Variants in RRP1 observed in about 807,000 individuals in gnomAD.
RRP1 encodes ribosomal RNA processing 1, also known as ribosomal RNA processing protein 1 homolog A.
A neutral mutation model predicts 54.6 loss-of-function variants in RRP1; 37 were observed. That is an observed-to-expected ratio of 0.68 (90% CI 0.52 to 0.89). RRP1 has a LOEUF of 0.89. Among genes scored for constraint, RRP1 ranks in the 40% least tolerant of loss-of-function variants. The probability of loss-of-function intolerance (pLI) is 0.00; values close to 1 mark genes in which losing one functional copy is unlikely to be tolerated. For missense variants in RRP1, 639 were observed against 612.5 expected, an observed-to-expected ratio of 1.04 and a Z score of -0.46; for synonymous variants, 262 against 244.3, an observed-to-expected ratio of 1.07 and a Z score of -0.67.
At chr21:43,792,102 G>T (rs1003723222) in intron 2 of RRP1, among the ~76,000 whole-genome samples, 1 of 152,178 alleles carries the variant, frequency 6.6e-6, no homozygotes, top group Admixed American at 6.5e-5. Context: ...TTCTCAAATT[G>T]TGAATTTTGT....
Position 43,792,696 on chromosome 21 carries a change from C to T in RRP1, c.241C>T (p.Gln81Ter). 1.2e-6 allele frequency: 2 copies of T among 1,614,006 alleles called. No homozygotes were observed. Among genetic ancestry groups the T allele is most frequent in the Non-Finnish European group, 8.5e-7 (1 of 1,179,932 alleles). Reference sequence around the variant, plus strand: ...GGAAGAATTAGGAAGGACTATTTCCCAGCTCGTTCATGCTTTTCAGACCAC... The same window carrying T: ...GGAAGAATTAGGAAGGACTATTTCCTAGCTCGTTCATGCTTTTCAGACCAC... Reference protein sequence around the residue: ...LQEELGRTISQLVHAFQTTEA... With the variant: ...LQEELGRTIS The change falls in exon 3 of 13, where the codon CAG (glutamine) becomes TAG (stop). Residue 81 changes from glutamine to a stop codon, truncating the protein, a stop_gained. Transcript: ENST00000497547. LOFTEE classifies it high-confidence loss of function.
At position 43,789,737 on chromosome 21, in the gene RRP1, C is replaced by T. The variant is rs1228605660; in HGVS notation, c.108C>T (p.Ile36=). Reference sequence around the variant, plus strand: ...CGGTGAGGAAGCTCCGGAAATACATCGTCGCCAGGACTCAGCGGGCCGCAG... The same window carrying T: ...CGGTGAGGAAGCTCCGGAAATACATTGTCGCCAGGACTCAGCGGGCCGCAG... ...DRAVRKLRKY[I]VARTQRAAGG... is the part of the protein sequence containing the mutation. The change falls in exon 1 of 13, where the codon ATC becomes ATT. Residue 36 remains isoleucine (I), a synonymous_variant. Coordinates refer to ENST00000497547, the MANE Select transcript of RRP1 (RefSeq NM_003683.6). The T allele has an allele frequency of 3.3e-6, 5 of 1,536,478 alleles. No individual in the cohort carries two copies. The highest frequency in any genetic ancestry group is 1.7e-4 in the Middle Eastern group (1 of 5,940).
At chr21:43,795,115 T>C in intron 4 of RRP1, 74 bp from the exon 5 acceptor site, 1 of 1,355,722 alleles carries the variant, frequency 7.4e-7, no homozygotes, top group South Asian at 1.2e-5. Context: ...CAGCGGATGG[T>C]GGTACATGGG....
chr21:43,789,788 G>C, intron 1 of RRP1, 26 bp downstream of exon 1: 1 of 1,493,342 alleles, frequency 6.7e-7, no homozygotes, highest in South Asian at 1.3e-5. Flanking sequence ...GGCGGCTGGC[G>C]TCTCGGGGGC....
At position 43,793,894 on chromosome 21, in the gene RRP1, CTG is replaced by C. The variant is rs142050304; in HGVS notation, c.360+491_360+492del. Among the ~76,000 whole-genome samples, 533 of 152,304 alleles carry C rather than the reference CTG, an allele frequency of 3.5e-3. 3 individuals are homozygous for C. The highest frequency in any genetic ancestry group is 0.012 in the African/African-American group (512 of 41,564). On this transcript the variant is annotated intron_variant, in intron 4 of 12. Coordinates refer to ENST00000497547, the MANE Select transcript of RRP1 (RefSeq NM_003683.6). ...TTTGCCCTGAGAATACAGGGGAACA[CTG>C]GGGTTTAGAGGTGCAGCGTGTTGCT...
Position 43,797,930 on chromosome 21 carries a change from C to G in RRP1, c.641C>G (p.Thr214Ser). The change falls in exon 8 of 13, where the codon ACT (threonine) becomes AGT (serine). Residue 214 changes from threonine (T) to serine (S), a missense_variant. Coordinates refer to ENST00000497547, the MANE Select transcript of RRP1 (RefSeq NM_003683.6). ...AGTTCCTTGGTTTTGAACAACATCA[C>G]TCGAGGCATCTTTGAGACGATTGTG... ...TKDSLVLNNI[T>S]RGIFETIVEQ... is the part of the protein sequence containing the mutation. The G allele has an allele frequency of 1.2e-6, 2 of 1,614,100 alleles. No homozygotes were observed. Among genetic ancestry groups the G allele is most frequent in the Non-Finnish European group, 1.7e-6 (2 of 1,179,956 alleles).
intron 1 of RRP1, chr21:43,790,891 T>C: frequency 2.3e-6 from 1 of 433,280 alleles, no homozygotes; most frequent in South Asian, 1.6e-5. Flanking sequence ...GCACCTGGCC[T>C]CAGTAATTTC....
chr21:43,802,151 CAG>C (rs1176192686), intron 11 of RRP1, 121 bp from the exon 12 acceptor site: 6 of 672,174 alleles, frequency 8.9e-6, no homozygotes, highest in African/African-American at 7.1e-5. Context: ...GGCATTAGAA[CAG>C]GGCGCTTTCT....
chr21:43,803,976 C>G lies in RRP1; in HGVS notation c.*202C>G, dbSNP rs910808203. On this transcript the variant is annotated 3_prime_UTR_variant, in exon 13 of 13. Coordinates refer to ENST00000497547, the MANE Select transcript of RRP1 (RefSeq NM_003683.6). The stretch of plus-strand genomic sequence containing the variant: ...ACTGGACCTTTCCCCAGAGCCTCCG[C>G]CTGTGGCTGTGATGACCTTGGGCCA... 1 of 622,570 alleles carries G rather than the reference C, an allele frequency of 1.6e-6. No homozygotes were observed. Among genetic ancestry groups the G allele is most frequent in the Non-Finnish European group, 2.6e-6 (1 of 384,088 alleles). 38.6% of individuals were successfully genotyped at this position (622,570 alleles called of 1,614,324 possible).
At position 43,797,684 on chromosome 21, in the gene RRP1, C is replaced by T; in HGVS notation, c.606C>T (p.Ala202=). Residue 202 remains alanine, a synonymous_variant, in exon 7 of 13, where the codon GCC becomes GCT. Coordinates refer to ENST00000497547, the MANE Select transcript of RRP1 (RefSeq NM_003683.6). ...TCGACCCCTTCTGCAGAATTGCTGC[C>T]CGGACCAAGGAGTAAGTGGTGGGTG... The part of the protein sequence containing the change: ...KFIDPFCRIA[A]RTKDSLVLNN... 1 of 1,613,856 alleles carries T rather than the reference C, an allele frequency of 6.2e-7. No homozygotes were observed. The highest frequency in any genetic ancestry group is 8.5e-7 in the Non-Finnish European group (1 of 1,180,024).
Position 43,789,600 on chromosome 21 carries a change from C to G in RRP1, c.-30C>G, listed in dbSNP as rs1352339533. On this transcript the variant is annotated 5_prime_UTR_variant, in exon 1 of 13. Coordinates refer to ENST00000497547, the MANE Select transcript of RRP1 (RefSeq NM_003683.6). ...TCAGTGTGCTGGGTACCAGGCGACT[C>G]CGGGACAGGGGGTCTCGGCCGTCGG... The G allele has an allele frequency of 6.3e-7, 1 of 1,579,786 alleles. No homozygotes were observed.
rs771599434 is a variant in RRP1, at chr21:43,798,065, C to T, written c.776C>T (p.Ala259Val). 19 of 1,613,858 alleles carry T rather than the reference C, an allele frequency of 1.2e-5. No individual in the cohort carries two copies. Among genetic ancestry groups the T allele is most frequent in the East Asian group, 2.2e-5 (1 of 44,870 alleles). The change falls in exon 8 of 13, where the codon GCG (alanine) becomes GTG (valine). Residue 259 changes from alanine to valine, a missense_variant. Transcript: ENST00000497547. ...ESSEGGERGD[A>V]LSQKRSEKPP... ...TCTGAGGGTGGTGAGCGTGGAGACGCGCTGTCCCAGAAGAGGTCTGAGAAG... is the reference window on the plus strand; with the variant it reads ...TCTGAGGGTGGTGAGCGTGGAGACGTGCTGTCCCAGAAGAGGTCTGAGAAG...
In RRP1 at chr21:43,803,154, C is replaced by A. The variant is rs573473814; in HGVS notation, c.1124-358C>A. 9.8e-5 allele frequency among the ~76,000 whole-genome samples: 15 copies of A among 152,386 alleles called. No homozygotes were observed. The South Asian group carries it at 2.3e-3, about 23-fold the overall frequency. On this transcript the variant is annotated intron_variant, in intron 12 of 12. Transcript: ENST00000497547. ...GCAGTGGCCTCCTCTTTGTAGCCGG[C>A]CCTTGGCTGTGTGAACCCTGTCGGC...
intron 10 of RRP1, 73 bp from the exon 11 acceptor site, chr21:43,800,789 C>G: frequency 6.3e-7 from 1 of 1,599,214 alleles, no homozygotes. Flanking sequence ...AACCTGCAGC[C>G]GCTCTAGCTG....
At position 43,797,679 on chromosome 21, in the gene RRP1, G is replaced by T. The variant is rs753419754; in HGVS notation, c.601G>T (p.Ala201Ser). The change falls in exon 7 of 13, where the codon GCT (alanine) becomes TCT (serine). Residue 201 changes from alanine to serine, a missense_variant. Coordinates refer to ENST00000497547, the MANE Select transcript of RRP1 (RefSeq NM_003683.6). ...LKFIDPFCRI[A>S]ARTKDSLVLN... ...GTTCATCGACCCCTTCTGCAGAATT[G>T]CTGCCCGGACCAAGGAGTAAGTGGT... is the stretch of plus-strand genomic sequence containing the variant. The T allele has an allele frequency of 1.1e-5, 18 of 1,613,866 alleles. No homozygotes were observed. The highest frequency in any genetic ancestry group is 1.4e-5 in the Non-Finnish European group (16 of 1,179,998).
intron 4 of RRP1, among the ~76,000 whole-genome samples, chr21:43,794,532 C>T (rs1251344837): frequency 6.6e-6 from 1 of 152,158 alleles, no homozygotes; most frequent in Non-Finnish European, 1.5e-5. Flanking sequence ...GCTCTGTCAT[C>T]GGGGCTCCTG....
In RRP1 at chr21:43,791,417, C is replaced by G. The variant is rs201407956; in HGVS notation, c.201C>G (p.Asp67Glu). The stretch of plus-strand genomic sequence containing the variant: ...TGTTTTATTGCATGTGGATGCAGGA[C>G]AAGCCACTCCTCCAGGTGAGTGGGG... ...KGLFYCMWMQ[D>E]KPLLQEELGR... Residue 67 changes from aspartate (D) to glutamate (E), a missense_variant, in exon 2 of 13, where the codon GAC becomes GAG. Coordinates refer to ENST00000497547, the MANE Select transcript of RRP1 (RefSeq NM_003683.6). The G allele has an allele frequency of 8.2e-6, 13 of 1,593,714 alleles. No individual in the cohort carries two copies. The South Asian group carries it at 1.0e-4, about 12-fold the overall frequency.
intron 5 of RRP1, among the ~76,000 whole-genome samples, chr21:43,796,446 A>G (rs1296624905): frequency 6.6e-6 from 1 of 152,240 alleles, no homozygotes; most frequent in Non-Finnish European, 1.5e-5. Flanking sequence ...AGAATTCAGC[A>G]CAGGAATCAT....
intron 3 of RRP1, 160 bp downstream of exon 3, chr21:43,792,889 C>A: frequency 1.4e-6 from 1 of 709,842 alleles, no homozygotes; most frequent in Non-Finnish European, 2.4e-6. Flanking sequence ...AGCATGTGTG[C>A]AGTGCTGGTG....
Sources: gnomAD v4.1 joint callset for allele counts (sites outside exome capture counted in the v4.1 genomes callset) on GRCh38, gnomAD v4.1.1 for gene constraint, MANE v1.5 for transcripts, NCBI Gene and HGNC (gene_info 2026-07-23, HGNC 2026-07-21) for gene names.